The following RPRD1B variants were observed in gnomAD, a reference collection of about 807,000 sequenced individuals.
RPRD1B encodes regulation of nuclear pre-mRNA domain-containing protein 1B.
RPRD1B carries 11 observed loss-of-function variants against 41.5 expected under a neutral mutation model. The ratio of observed to expected loss-of-function variants is 0.27; its 90% CI spans 0.17 to 0.44. The LOEUF (loss-of-function observed/expected upper bound fraction) is 0.44. Ranked by LOEUF, RPRD1B falls within the 20% of genes least tolerant of loss-of-function variation. The probability of loss-of-function intolerance (pLI) is 1.00; values close to 1 mark genes in which losing one functional copy is unlikely to be tolerated. For synonymous variants in RPRD1B, 158 were observed against 155.6 expected, an observed-to-expected ratio of 1.02 and a Z score of -0.12; for missense variants, 248 against 389.9, an observed-to-expected ratio of 0.64 and a Z score of 3.06.
At chr20:38,073,652 TAGAG>T (rs1238526253) in intron 6 of RPRD1B, among the ~76,000 whole-genome samples, 4 of 152,132 alleles carry the variant, frequency 2.6e-5, no homozygotes, top group Admixed American at 6.5e-5. Context: ...TAGGGGGAGA[TAGAG>T]AGCTCCTTTT....
chr20:38,061,759 C>T (rs1274629360), intron 5 of RPRD1B, among the ~76,000 whole-genome samples: 1 of 152,162 alleles, frequency 6.6e-6, no homozygotes, highest in African/African-American at 2.4e-5. Context: ...ATTCTCTGCC[C>T]CCATCTTAAC....
chr20:38,065,938 A>G (rs922672657), intron 5 of RPRD1B, 143 bp from the exon 6 acceptor site: 9 of 729,780 alleles, frequency 1.2e-5, no homozygotes, highest in African/African-American at 1.1e-4. Flanking sequence ...TGCTTAATCA[A>G]CTCATTGTTT....
chr20:38,034,155 A>G, intron 1 of RPRD1B, 57 bp downstream of exon 1: 6 of 1,569,510 alleles, frequency 3.8e-6, no homozygotes, highest in East Asian at 2.2e-5. Context: ...TCGCCCACAT[A>G]CAACCTAGGC....
chr20:38,080,466 C>T (rs1438964381), intron 6 of RPRD1B, among the ~76,000 whole-genome samples: 1 of 152,196 alleles, frequency 6.6e-6, no homozygotes, highest in Non-Finnish European at 1.5e-5. Context: ...ATACTTTCCC[C>T]ATTGCTTGTT....
intron 1 of RPRD1B, among the ~76,000 whole-genome samples, chr20:38,039,736 T>A (rs2074044996): frequency 1.3e-5 from 1 of 77,046 alleles, no homozygotes; most frequent in East Asian, 3.4e-4. Flanking sequence ...TAACTCAGTC[T>A]TTTTTTTTTT....
intron 1 of RPRD1B, among the ~76,000 whole-genome samples, chr20:38,037,601 C>T (rs1337879337): frequency 6.6e-6 from 1 of 152,166 alleles, no homozygotes; most frequent in Non-Finnish European, 1.5e-5. Flanking sequence ...TGTGTGTGCT[C>T]AAGAGCTCTA....
chr20:38,087,123 T>C (rs1330915465), intron 6 of RPRD1B, among the ~76,000 whole-genome samples: 1 of 152,112 alleles, frequency 6.6e-6, no homozygotes, highest in East Asian at 1.9e-4. Flanking sequence ...CCTGCCCAGC[T>C]AACTTTTGTA....
At chr20:38,035,939 T>G (rs1379866326) in intron 1 of RPRD1B, among the ~76,000 whole-genome samples, 1 of 152,014 alleles carries the variant, frequency 6.6e-6, no homozygotes, top group Non-Finnish European at 1.5e-5. Flanking sequence ...TAATTTTTTG[T>G]ATTTTTAGTA....
intron 5 of RPRD1B, among the ~76,000 whole-genome samples, chr20:38,063,492 G>T (rs565283985): frequency 6.6e-6 from 1 of 152,208 alleles, no homozygotes; most frequent in Non-Finnish European, 1.5e-5. Context: ...CATAAAGCCC[G>T]ATTGGGGTGG....
intron 3 of RPRD1B, among the ~76,000 whole-genome samples, chr20:38,052,841 A>G (rs1234662649): frequency 6.9e-6 from 1 of 145,736 alleles, no homozygotes. Flanking sequence ...AGATGGCTGC[A>G]TATTATAATG....
intron 1 of RPRD1B, 51 bp downstream of exon 1, chr20:38,034,149 C>T: frequency 6.3e-7 from 1 of 1,577,458 alleles, no homozygotes; most frequent in Non-Finnish European, 8.6e-7. Context: ...GTCCTCTCGC[C>T]CACATACAAC....
At chr20:38,075,017 A>G (rs1331137706) in intron 6 of RPRD1B, among the ~76,000 whole-genome samples, 1 of 152,192 alleles carries the variant, frequency 6.6e-6, no homozygotes, top group Admixed American at 6.5e-5. Context: ...CTGTGGTTGG[A>G]TAGTCAATGA....
chr20:38,040,795 ATTCATT>A (rs1278584798), intron 2 of RPRD1B, among the ~76,000 whole-genome samples: 10 of 152,176 alleles, frequency 6.6e-5, no homozygotes, highest in Non-Finnish European at 1.5e-4. Context: ...TTCTAGATAT[ATTCATT>A]TTCATTTTTT....
At chr20:38,035,591 CG>C (rs1378357763) in intron 1 of RPRD1B, among the ~76,000 whole-genome samples, 1 of 152,144 alleles carries the variant, frequency 6.6e-6, no homozygotes, top group Non-Finnish European at 1.5e-5. Context: ...CTCAGCCCTT[CG>C]GGCAGTTCCG....
At position 38,083,636 on chromosome 20, in the gene RPRD1B, G is replaced by T. The variant is rs548243418; in HGVS notation, c.832-6090G>T. 3.3e-5 allele frequency among the ~76,000 whole-genome samples: 5 copies of T among 152,324 alleles called. No homozygotes were observed. The East Asian group carries it at 9.7e-4, about 29-fold the overall frequency. On this transcript the variant is annotated intron_variant, in intron 6 of 6. Coordinates refer to ENST00000373433, the MANE Select transcript of RPRD1B (RefSeq NM_021215.4). ...GGTTTAAGAAGCTCGCTCCCATTTGGAGTTTCCCGTGGATGGCCGAACTGC... is the reference window on the plus strand; with the variant it reads ...GGTTTAAGAAGCTCGCTCCCATTTGTAGTTTCCCGTGGATGGCCGAACTGC...
chr20:38,073,438 G>A (rs1466281637), intron 6 of RPRD1B, among the ~76,000 whole-genome samples: 1 of 152,134 alleles, frequency 6.6e-6, no homozygotes, highest in Non-Finnish European at 1.5e-5. Context: ...AACACAGCTG[G>A]GAAGGGGGAA....
intron 6 of RPRD1B, among the ~76,000 whole-genome samples, chr20:38,076,906 CTTTTTTTT>C (rs573460686): frequency 3.8e-4 from 24 of 63,524 alleles, no homozygotes; most frequent in Non-Finnish European, 6.3e-4. Flanking sequence ...CATTCTGGAC[CTTTTTTTT>C]TTTTTTTTTT....
chr20:38,034,199 A>G lies in RPRD1B; in HGVS notation c.151+101A>G. On this transcript the variant is annotated intron_variant, in intron 1 of 6. Transcript: ENST00000373433. ...GCCTCTTCATTGAGCCTTGCTTTCC[A>G]GGCCTGATCGAGCTTCTGAGATGGG... 3 of 1,301,244 alleles carry G rather than the reference A, an allele frequency of 2.3e-6. No individual in the cohort carries two copies. In the South Asian group the frequency reaches 4.5e-5, roughly 20 times the overall value. 80.6% of individuals were successfully genotyped at this position (1,301,244 alleles called of 1,614,324 possible). A position where few individuals can be genotyped will look rare whatever the true frequency, so the allele number is the denominator to read the frequency against.
chr20:38,037,857 G>GT lies in RPRD1B; in HGVS notation c.152-2566dup, dbSNP rs796354727. ...TGACATTTTACAATATGGATTCTAG[G>GT]TTTTTTTTTTTTCAACATAAAGTGT... On this transcript the variant is annotated intron_variant, in intron 1 of 6. Coordinates refer to ENST00000373433, the MANE Select transcript of RPRD1B (RefSeq NM_021215.4). Among the ~76,000 whole-genome samples the GT allele has an allele frequency of 9.5e-3, 1,372 of 144,952 alleles. 18 individuals carry two copies. The highest frequency in any genetic ancestry group is 0.029 in the African/African-American group (1,173 of 39,772).
Sources: gnomAD v4.1 joint callset for allele counts (sites outside exome capture counted in the v4.1 genomes callset) on GRCh38, gnomAD v4.1.1 for gene constraint, MANE v1.5 for transcripts, NCBI Gene and HGNC (gene_info 2026-07-23, HGNC 2026-07-21) for gene names.